Variants in IFI16 observed in about 807,000 individuals in gnomAD.
IFI16 encodes the protein interferon gamma inducible protein 16.
Under a neutral mutation model 68.4 loss-of-function variants are expected in IFI16, and 49 were observed. The ratio of observed to expected loss-of-function variants is 0.72; its 90% CI spans 0.57 to 0.91. The LOEUF (loss-of-function observed/expected upper bound fraction) is 0.91, where lower values mean the gene tolerates loss of function less well. Among genes scored for constraint, IFI16 ranks in the 40% least tolerant of loss-of-function variants. The pLI, the probability that IFI16 is intolerant of heterozygous loss-of-function variation, is 0.00. For synonymous variants in IFI16, 307 were observed against 315.0 expected, an observed-to-expected ratio of 0.97 and a Z score of 0.27; for missense variants, 878 against 942.9, an observed-to-expected ratio of 0.93 and a Z score of 0.90.
At chr1:159,052,273 T>C (rs886728704) in intron 10 of IFI16, 175 bp downstream of exon 10, 10 of 590,490 alleles carry the variant, frequency 1.7e-5, no homozygotes, top group South Asian at 4.2e-5. Flanking sequence ...GGGTACGTTA[T>C]ATTGTAACAT....
chr1:159,010,204 C>T (rs1012730848), intron 1 of IFI16, 43 bp downstream of exon 1: 1 of 152,132 alleles, frequency 6.6e-6, no homozygotes, highest in African/African-American at 2.4e-5. Flanking sequence ...CTTGTTCCTT[C>T]CTTGAAGTCC....
intron 6 of IFI16, among the ~76,000 whole-genome samples, chr1:159,031,569 A>G (rs1190096330): frequency 6.6e-6 from 1 of 152,166 alleles, no homozygotes; most frequent in Non-Finnish European, 1.5e-5. Flanking sequence ...CCTTAGCTCC[A>G]GGTAAGGTCA....
chr1:159,008,348 C>A (rs1427638186), upstream of IFI16, among the ~76,000 whole-genome samples: 3 of 152,070 alleles, frequency 2.0e-5, no homozygotes, highest in Admixed American at 6.5e-5. Flanking sequence ...GCACAAATTG[C>A]AATTGTTGGC....
chr1:159,021,496 G>C (rs1198102464), intron 6 of IFI16, among the ~76,000 whole-genome samples: 1 of 152,124 alleles, frequency 6.6e-6, no homozygotes, highest in Non-Finnish European at 1.5e-5. Context: ...TTATCCATTT[G>C]TTTACTGATG....
exon 1 of IFI16, chr1:159,000,139 G>T: frequency 5.6e-6 from 1 of 177,626 alleles, no homozygotes. Context: ...CCTCACTGCA[G>T]ACACCATGCC....
intron 9 of IFI16, among the ~76,000 whole-genome samples, chr1:159,050,812 C>G (rs370299595): frequency 6.6e-6 from 1 of 152,188 alleles, no homozygotes; most frequent in South Asian, 2.1e-4. Context: ...TGCCATTATT[C>G]AGATTGGAGA....
At position 159,018,456 on chromosome 1, in the gene IFI16, C is replaced by T. The variant is rs1296512946; in HGVS notation, c.777C>T (p.Ile259=). ...AGAAATTCAATGGAAAGAAAATCAT[C>T]ATCATATCAGATTATTTGGAATATG... ...LKEKFNGKKI[I]IISDYLEYDS... The change falls in exon 5 of 12, where the codon ATC becomes ATT. Residue 259 remains isoleucine, a synonymous_variant. Coordinates refer to ENST00000295809, the MANE Select transcript of IFI16 (RefSeq NM_001376587.1). 6.2e-7 allele frequency: 1 copy of T among 1,612,998 alleles called. No homozygotes were observed. The highest frequency in any genetic ancestry group is 1.7e-5 in the Admixed American group (1 of 60,004).
At chr1:159,044,816 G>A (rs1321046634) in intron 7 of IFI16, among the ~76,000 whole-genome samples, 1 of 152,154 alleles carries the variant, frequency 6.6e-6, no homozygotes, top group Non-Finnish European at 1.5e-5. Context: ...GAATTTGAGA[G>A]AATCTTCTTA....
chr1:159,015,680 G>A (rs1354355503), intron 2 of IFI16, 192 bp from the exon 3 acceptor site: 1 of 562,070 alleles, frequency 1.8e-6, no homozygotes. Flanking sequence ...GTCAGTGCTT[G>A]TTCCTGTCTT....
chr1:159,045,954 T>A (rs1436251454), intron 8 of IFI16, among the ~76,000 whole-genome samples: 1 of 148,312 alleles, frequency 6.7e-6, no homozygotes, highest in East Asian at 2.0e-4. Flanking sequence ...TTTACACCTT[T>A]CATTATGTAT....
rs1571894684 is a variant in IFI16 at position 159,049,540 on chromosome 1, A to G, written c.1606A>G (p.Ser536Gly). 1 of 1,600,014 alleles carries G rather than the reference A, an allele frequency of 6.2e-7. No homozygotes were observed. Among genetic ancestry groups the G allele is most frequent in the South Asian group, 1.1e-5 (1 of 89,000 alleles). Reference protein sequence around the residue: ...PFMTSIGPAESHPHTPQMPPS... With the variant: ...PFMTSIGPAEGHPHTPQMPPS... Reference sequence around the variant, plus strand: ...CATGACCAGCATAGGCCCAGCTGAGAGCCATCCCCACACTCCTCAGATGCC... The same window carrying G: ...CATGACCAGCATAGGCCCAGCTGAGGGCCATCCCCACACTCCTCAGATGCC... The change falls in exon 9 of 12, where the codon AGC (serine) becomes GGC (glycine). Residue 536 changes from serine to glycine, a missense_variant. Coordinates refer to ENST00000295809, the MANE Select transcript of IFI16 (RefSeq NM_001376587.1).
chr1:159,030,201 T>G (rs1653920271), intron 6 of IFI16, among the ~76,000 whole-genome samples: 1 of 152,146 alleles, frequency 6.6e-6, no homozygotes, highest in Admixed American at 6.5e-5. Context: ...ATCCATATCC[T>G]GTAACATTTT....
rs1654908756 is a variant in IFI16 at position 159,045,306 on chromosome 1, G to A, written c.1339G>A (p.Asp447Asn). The change falls in exon 8 of 12, where the codon GAC becomes AAC. Residue 447 changes from aspartate to asparagine, a missense_variant. By Grantham distance (23) the Asp-to-Asn change is conservative. This residue lies in a region of IFI16 where 59 missense variants were observed against 119.0 expected (regional missense o/e 0.50). Transcript: ENST00000295809. ...SSSFFTKKSE[D>N]TISKMNDFMR... ...ATCTATTTTCCTTTAGAAAAGTGAA[G>A]ACACAATCTCCAAAATGAATGACTT... 3 of 1,392,658 alleles carry A rather than the reference G, an allele frequency of 2.2e-6. No homozygotes were observed. In the South Asian group the frequency reaches 3.7e-5, roughly 17 times the overall value. 86.3% of individuals were successfully genotyped at this position (1,392,658 alleles called of 1,614,324 possible). A position where few individuals can be genotyped will look rare whatever the true frequency, so the allele number is the denominator to read the frequency against.
chr1:159,003,899 A>T (rs144858338), upstream of IFI16, among the ~76,000 whole-genome samples: 974 of 152,058 alleles, frequency 6.4e-3, 10 homozygotes, highest in African/African-American at 0.022. Flanking sequence ...TGACCTTGTG[A>T]TCCGCCCGCC....
At chr1:159,047,012 A>ATCAC (rs1407835240) in intron 8 of IFI16, among the ~76,000 whole-genome samples, 3 of 150,098 alleles carry the variant, frequency 2.0e-5, no homozygotes, top group African/African-American at 7.4e-5. Context: ...CTGCCCTGAT[A>ATCAC]CCTCTGTATG....
chr1:159,032,734 A>C, intron 7 of IFI16, 43 bp downstream of exon 7: 1 of 1,466,030 alleles, frequency 6.8e-7, no homozygotes. Flanking sequence ...CCCCACCATA[A>C]TTTACAGGGA....
At chr1:159,024,140 G>A (rs1653505253) in intron 6 of IFI16, among the ~76,000 whole-genome samples, 2 of 152,204 alleles carry the variant, frequency 1.3e-5, no homozygotes, top group Admixed American at 6.5e-5. Context: ...ATTCATTCCA[G>A]CCAGGCATTT....
chr1:159,036,973 A>G (rs953594916), intron 7 of IFI16, among the ~76,000 whole-genome samples: 1 of 152,114 alleles, frequency 6.6e-6, no homozygotes, highest in Non-Finnish European at 1.5e-5. Flanking sequence ...CCAAAATTCT[A>G]TACTTTCTAA....
chr1:159,035,748 A>T (rs1654287532), intron 7 of IFI16, among the ~76,000 whole-genome samples: 1 of 26,090 alleles, frequency 3.8e-5, no homozygotes, highest in South Asian at 2.7e-3. Flanking sequence ...GGCTATTCTT[A>T]TCATTGATTT....
Sources: allele counts gnomAD v4.1 joint callset (sites outside exome capture counted in the v4.1 genomes callset), GRCh38; gene constraint gnomAD v4.1.1; regional missense constraint gnomAD v4.1.1; transcripts MANE v1.5; gene names NCBI Gene and HGNC (gene_info 2026-07-23, HGNC 2026-07-21).